The following ARHGAP44 variants were observed in gnomAD, a reference collection of about 807,000 sequenced individuals.
ARHGAP44 encodes the protein rho GTPase-activating protein 44.
In ARHGAP44, 43 loss-of-function variants were observed where a neutral mutation model predicts 106.8. That is an observed-to-expected ratio of 0.40 (90% confidence interval 0.32 to 0.52). ARHGAP44 has a LOEUF of 0.52. Ranked by LOEUF, ARHGAP44 falls within the 20% of genes least tolerant of loss-of-function variation. The pLI is 0.48. For synonymous variants in ARHGAP44, 439 were observed against 410.3 expected (o/e 1.07, Z -0.85); for missense variants, 866 against 1,050.5 (o/e 0.82, Z 2.43).
chr17:12,926,385 T>TTATATATAA (rs1228822024), intron 6 of ARHGAP44, among the ~76,000 whole-genome samples: 14 of 145,642 alleles, frequency 9.6e-5, no homozygotes, highest in African/African-American at 3.5e-4. Context: ...TATATATGTA[T>TTATATATAA]TATATATAAT....
chr17:12,794,466 A>G (rs563775135), intron 1 of ARHGAP44, among the ~76,000 whole-genome samples: 2 of 152,264 alleles, frequency 1.3e-5, no homozygotes, highest in South Asian at 4.1e-4. Flanking sequence ...CTAAGTAGAA[A>G]AGGATTCTTA....
intron 1 of ARHGAP44, among the ~76,000 whole-genome samples, chr17:12,873,152 C>T (rs2036451349): frequency 1.3e-5 from 2 of 152,068 alleles, no homozygotes; most frequent in African/African-American, 4.8e-5. Context: ...TTCCCCTCCT[C>T]TCTCTTGTCC....
At chr17:12,925,330 C>A (rs1198269513) in intron 6 of ARHGAP44, among the ~76,000 whole-genome samples, 1 of 152,168 alleles carries the variant, frequency 6.6e-6, no homozygotes, top group Non-Finnish European at 1.5e-5. Flanking sequence ...CACTCACTGC[C>A]TGGGTCATGC....
rs1363854292 is a variant in ARHGAP44 at position 12,984,762 on chromosome 17, G to A, written c.2171G>A (p.Ser724Asn). 2 of 1,613,934 alleles carry A rather than the reference G, an allele frequency of 1.2e-6. No individual in the cohort carries two copies. Among genetic ancestry groups the A allele is most frequent in the Non-Finnish European group, 1.7e-6 (2 of 1,179,884 alleles). The stretch of plus-strand genomic sequence containing the variant: ...CCTTCTGTCTTTACAAGCACTTTGA[G>A]CAAATCGCGGCCCACTCCTAAGCCG... Reference protein sequence around the residue: ...ASPSVFTSTLSKSRPTPKPRQ... With the variant: ...ASPSVFTSTLNKSRPTPKPRQ... Residue 724 changes from serine to asparagine, a missense_variant, in exon 20 of 21, where the codon AGC becomes AAC. Around this residue, in one of 2 missense-constraint regions of ARHGAP44, gnomAD observed 418 missense variants for 403.6 expected, o/e 1.04. Coordinates refer to ENST00000379672, the MANE Select transcript of ARHGAP44 (RefSeq NM_014859.6).
chr17:12,849,774 A>G (rs1032294365), intron 1 of ARHGAP44, among the ~76,000 whole-genome samples: 1 of 152,006 alleles, frequency 6.6e-6, no homozygotes, highest in Non-Finnish European at 1.5e-5. Context: ...ATAGGATGGC[A>G]TGTGTCATAA....
Position 12,956,746 on chromosome 17 carries a change from GGT to G in ARHGAP44, c.1342+1_1342+2del. ...GCATGCAGACTGGTTCTTCCCTGGG[GGT>G]AGGTGACAGCACCTAGGTGTGGGGG... On this transcript the variant is annotated splice_donor_variant, in intron 15 of 20. Coordinates refer to ENST00000379672, the MANE Select transcript of ARHGAP44 (RefSeq NM_014859.6). LOFTEE classifies it high-confidence loss of function. 6.2e-7 allele frequency: 1 copy of G among 1,613,792 alleles called. No homozygotes were observed. The highest frequency in any genetic ancestry group is 8.5e-7 in the Non-Finnish European group (1 of 1,179,770).
At chr17:12,975,658 C>T (rs1298359762) in intron 18 of ARHGAP44, among the ~76,000 whole-genome samples, 11 of 151,638 alleles carry the variant, frequency 7.3e-5, no homozygotes, top group Admixed American at 1.3e-4. Context: ...ATTAGCTGGG[C>T]GTGGTGGCGG....
intron 10 of ARHGAP44, among the ~76,000 whole-genome samples, chr17:12,946,489 A>AT: frequency 6.6e-6 from 1 of 151,232 alleles, no homozygotes. Flanking sequence ...AAAAAAAAAA[A>AT]AAAAGAAATT....
At chr17:12,986,070 A>G (rs1464189697) in intron 20 of ARHGAP44, 2 of 152,248 alleles carry the variant, frequency 1.3e-5, no homozygotes, top group Non-Finnish European at 2.9e-5. Flanking sequence ...TGAAAAGGCT[A>G]GTCCAATTTG....
Position 12,929,040 on chromosome 17 carries a change from T to C in ARHGAP44, c.576T>C (p.Ile192=). ...AAGAGGCTGCCAACAGAGTGGAGATTTGCAGGGTACCTGCCCTCTTTGCTC... is the reference window on the plus strand; with the variant it reads ...AAGAGGCTGCCAACAGAGTGGAGATCTGCAGGGTACCTGCCCTCTTTGCTC... ...EMEEAANRVE[I]CRDQLSADMY... The change falls in exon 7 of 21, where the codon ATT becomes ATC. Residue 192 remains isoleucine, a synonymous_variant. Transcript: ENST00000379672. 1 of 1,611,410 alleles carries C rather than the reference T, an allele frequency of 6.2e-7. No homozygotes were observed. Among genetic ancestry groups the C allele is most frequent in the Non-Finnish European group, 8.5e-7 (1 of 1,178,808 alleles).
chr17:12,980,420 T>C (rs1285387773), intron 19 of ARHGAP44, among the ~76,000 whole-genome samples, 187 bp downstream of exon 19: 2 of 152,232 alleles, frequency 1.3e-5, no homozygotes, highest in African/African-American at 2.4e-5. Context: ...AGTTTACTTA[T>C]TTGACAGGTG....
chr17:12,840,066 CTGT>C (rs966707106), intron 1 of ARHGAP44, among the ~76,000 whole-genome samples: 4 of 152,108 alleles, frequency 2.6e-5, no homozygotes, highest in Admixed American at 2.6e-4. Context: ...TTGCCATTTG[CTGT>C]GGATATATGT....
intron 3 of ARHGAP44, among the ~76,000 whole-genome samples, chr17:12,897,710 C>CTTTTTTTTTTT (rs71980749): frequency 9.2e-6 from 1 of 108,952 alleles, no homozygotes; most frequent in Non-Finnish European, 1.8e-5. Flanking sequence ...TGATCTGTGT[C>CTTTTTTTTTTT]TTTTTTTTTT....
intron 1 of ARHGAP44, among the ~76,000 whole-genome samples, chr17:12,816,730 C>T (rs1346354536): frequency 6.6e-6 from 1 of 152,072 alleles, no homozygotes; most frequent in Non-Finnish European, 1.5e-5. Context: ...CGTGTGTATG[C>T]ATCTGAGAAT....
intron 15 of ARHGAP44, 84 bp downstream of exon 15, chr17:12,956,830 C>A: frequency 8.6e-7 from 1 of 1,168,174 alleles, no homozygotes; most frequent in East Asian, 2.4e-5. Flanking sequence ...AGCCAAGTAC[C>A]ACTGCCCACA....
At chr17:12,933,732 A>G (rs2038465296) in intron 7 of ARHGAP44, among the ~76,000 whole-genome samples, 1 of 152,226 alleles carries the variant, frequency 6.6e-6, no homozygotes, top group South Asian at 2.1e-4. Flanking sequence ...CAGCAGTATC[A>G]GTTTCATTTT....
intron 1 of ARHGAP44, among the ~76,000 whole-genome samples, chr17:12,873,416 T>G (rs2150886237): frequency 6.6e-6 from 1 of 152,328 alleles, no homozygotes; most frequent in East Asian, 1.9e-4. Context: ...CAGCTTAGTG[T>G]TATATGAAGA....
intron 1 of ARHGAP44, among the ~76,000 whole-genome samples, chr17:12,879,696 TA>T (rs1450623148): frequency 4.8e-5 from 1 of 20,780 alleles, no homozygotes; most frequent in East Asian, 4.9e-4. Context: ...TATATATATA[TA>T]CACATACACA....
At chr17:12,829,099 G>A (rs1389373087) in intron 1 of ARHGAP44, among the ~76,000 whole-genome samples, 1 of 152,098 alleles carries the variant, frequency 6.6e-6, no homozygotes, top group Non-Finnish European at 1.5e-5. Context: ...GGAACAATTT[G>A]TATAAGGTAG....
Sources: allele counts gnomAD v4.1 joint callset (sites outside exome capture counted in the v4.1 genomes callset), GRCh38; gene constraint gnomAD v4.1.1; regional missense constraint gnomAD v4.1.1; transcripts MANE v1.5; gene names NCBI Gene and HGNC (gene_info 2026-07-23, HGNC 2026-07-21).